Variants in UPF2 observed in about 807,000 individuals in gnomAD.
UPF2 encodes the protein regulator of nonsense transcripts 2.
Under a neutral mutation model 141.4 loss-of-function variants are expected in UPF2, and 17 were observed. The observed-to-expected ratio is 0.12, with a 90% CI of 0.08 to 0.18. The LOEUF (loss-of-function observed/expected upper bound fraction) is 0.18. UPF2 is among the 10% of genes least tolerant of loss of function. The pLI, the probability that UPF2 is intolerant of heterozygous loss-of-function variation, is 1.00. For synonymous variants in UPF2, 540 were observed against 498.0 expected, an observed-to-expected ratio of 1.08 and a Z score of -1.12; for missense variants, 1,152 against 1,515.9, an observed-to-expected ratio of 0.76 and a Z score of 3.99.
At chr10:11,993,141 C>T (rs1833807649) in intron 8 of UPF2, among the ~76,000 whole-genome samples, 2 of 110,052 alleles carry the variant, frequency 1.8e-5, no homozygotes, top group Non-Finnish European at 3.7e-5. Context: ...CAGAGTGAGG[C>T]TCCACCTCAA....
intron 21 of UPF2, among the ~76,000 whole-genome samples, chr10:11,925,573 G>A (rs1469171885): frequency 1.3e-5 from 2 of 152,216 alleles, no homozygotes; most frequent in Non-Finnish European, 2.9e-5. Context: ...AGCCCTCATC[G>A]CCTGTAATCT....
At chr10:11,985,793 T>C (rs1450136241) in intron 8 of UPF2, among the ~76,000 whole-genome samples, 1 of 151,138 alleles carries the variant, frequency 6.6e-6, no homozygotes, top group Admixed American at 6.6e-5. Context: ...AATATTTTCA[T>C]CAACTGCAAA....
At position 11,994,975 on chromosome 10, in the gene UPF2, C is replaced by CAAAAAAAAAAAAAAA. The variant is rs60922532; in HGVS notation, c.1844+2682_1844+2696dup. 4.5e-4 allele frequency among the ~76,000 whole-genome samples: 23 copies of CAAAAAAAAAAAAAAA among 51,356 alleles called. 1 individual carries two copies. Among genetic ancestry groups the CAAAAAAAAAAAAAAA allele is most frequent in the East Asian group, 1.2e-3 (1 of 802 alleles). 33.7% of individuals were successfully genotyped at this position (51,356 alleles called of 152,430 possible). A position where few individuals can be genotyped will look rare whatever the true frequency, so the allele number is the denominator to read the frequency against. On this transcript the variant is annotated intron_variant, in intron 8 of 21. Coordinates refer to ENST00000357604, the MANE Select transcript of UPF2 (RefSeq NM_015542.4). ...TGGGCAACAGAGTGAGACTCCATCT[C>CAAAAAAAAAAAAAAA]AAAAAAAAAAAAAAAAAAAAAAAAA... is the stretch of plus-strand genomic sequence containing the variant.
rs569601527 is a variant in UPF2, at chr10:11,953,790, A to G, written c.2850+1442T>C. ...CCACTTTTTGCTCATCAATTCAGAAAGTAAGGGAGTAATAGGTTTCCCTCT... is the reference window on the plus strand; with the variant it reads ...CCACTTTTTGCTCATCAATTCAGAAGGTAAGGGAGTAATAGGTTTCCCTCT... On this transcript the variant is annotated intron_variant, in intron 14 of 21. Coordinates refer to ENST00000357604, the MANE Select transcript of UPF2 (RefSeq NM_015542.4). This position sits in a 1 kb window ranked among gnomAD's most constrained non-coding sequence, Gnocchi z 5.0. Among the ~76,000 whole-genome samples, 8 of 152,352 alleles carry G rather than the reference A, an allele frequency of 5.3e-5. No homozygotes were observed. Among genetic ancestry groups the G allele is most frequent in the Middle Eastern group, 6.8e-3 (2 of 294 alleles).
chr10:11,981,850 T>TA (rs1833601194), intron 8 of UPF2, among the ~76,000 whole-genome samples: 1 of 152,176 alleles, frequency 6.6e-6, no homozygotes, highest in Non-Finnish European at 1.5e-5. Context: ...CGTGCCCGGC[T>TA]AATTTTTGTA....
intron 10 of UPF2, among the ~76,000 whole-genome samples, chr10:11,966,711 A>C (rs1219897315): frequency 2.0e-5 from 3 of 152,254 alleles, no homozygotes; most frequent in Non-Finnish European, 4.4e-5. Flanking sequence ...GGCGTGAGCC[A>C]CCACGCCCAG....
At position 11,965,228 on chromosome 10, in the gene UPF2, G is replaced by A. The variant is rs946666632; in HGVS notation, c.2068-1103C>T. The stretch of plus-strand genomic sequence containing the variant: ...GGAAAGAAATTTCTGTGTCAAAAAA[G>A]TGTATATTCTTCCTATATATTTTTA... On this transcript the variant is annotated intron_variant, in intron 10 of 21. Coordinates refer to ENST00000357604, the MANE Select transcript of UPF2 (RefSeq NM_015542.4). Among the ~76,000 whole-genome samples, 236 of 152,208 alleles carry A rather than the reference G, an allele frequency of 1.6e-3. 1 individual carries two copies. Among genetic ancestry groups the A allele is most frequent in the African/African-American group, 5.2e-3 (218 of 41,538 alleles).
Position 11,921,207 on chromosome 10 carries a change from G to T in UPF2, c.*91C>A. On this transcript the variant is annotated 3_prime_UTR_variant, in exon 22 of 22. Coordinates refer to ENST00000357604, the MANE Select transcript of UPF2 (RefSeq NM_015542.4). This position sits in a 1 kb window ranked among gnomAD's most constrained non-coding sequence, Gnocchi z 5.9. Reference sequence around the variant, plus strand: ...GCAACTCTCTAGACCGACCTGCTGAGATGTGTCCACTGCTCTCATTCAATT... The same window carrying T: ...GCAACTCTCTAGACCGACCTGCTGATATGTGTCCACTGCTCTCATTCAATT... The T allele has an allele frequency of 6.4e-7, 1 of 1,559,346 alleles. No individual in the cohort carries two copies. Among genetic ancestry groups the T allele is most frequent in the Non-Finnish European group, 8.8e-7 (1 of 1,130,092 alleles).
At chr10:12,002,913 G>C (rs1412378418) in intron 5 of UPF2, among the ~76,000 whole-genome samples, 1 of 152,186 alleles carries the variant, frequency 6.6e-6, no homozygotes, top group Admixed American at 6.5e-5. Context: ...TACTTAAATT[G>C]AAAGTATGGT....
At chr10:11,972,481 C>T (rs1421731231) in intron 9 of UPF2, among the ~76,000 whole-genome samples, 3 of 152,122 alleles carry the variant, frequency 2.0e-5, no homozygotes, top group Non-Finnish European at 4.4e-5. Context: ...GTGCTGCACC[C>T]GTTAACTCGT....
At position 11,959,326 on chromosome 10, in the gene UPF2, G is replaced by A; in HGVS notation, c.2215C>T (p.His739Tyr). Reference sequence around the variant, plus strand: ...ATTGTGACGTATCTCGCATCAAGATGCATTGCTTGCTTCTTTCTCATCATT... The same window carrying A: ...ATTGTGACGTATCTCGCATCAAGATACATTGCTTGCTTCTTTCTCATCATT... Reference protein sequence around the residue: ...EQMMRKKQAMHLDARYVTMVE... With the variant: ...EQMMRKKQAMYLDARYVTMVE... The change falls in exon 12 of 22, where the codon CAT becomes TAT. Residue 739 changes from histidine (H) to tyrosine (Y), a missense_variant. This residue lies in a region of UPF2 where 739 missense variants were observed against 1,032.2 expected (regional missense o/e 0.72). Coordinates refer to ENST00000357604, the MANE Select transcript of UPF2 (RefSeq NM_015542.4). This position sits in a 1 kb window ranked among gnomAD's most constrained non-coding sequence, Gnocchi z 5.9. 1 of 1,580,062 alleles carries A rather than the reference G, an allele frequency of 6.3e-7. No individual in the cohort carries two copies. The highest frequency in any genetic ancestry group is 8.6e-7 in the Non-Finnish European group (1 of 1,167,896).
chr10:12,003,901 G>A (rs1833991969), intron 5 of UPF2, among the ~76,000 whole-genome samples: 1 of 111,136 alleles, frequency 9.0e-6, no homozygotes, highest in East Asian at 3.0e-4. Context: ...CTCCAGCCTG[G>A]ACAAGAGCAA....
intron 8 of UPF2, among the ~76,000 whole-genome samples, chr10:11,981,948 T>C (rs1183428038): frequency 6.6e-6 from 1 of 152,124 alleles, no homozygotes; most frequent in Non-Finnish European, 1.5e-5. Flanking sequence ...CCTCCAAAAG[T>C]GCTGGGATTA....
intron 3 of UPF2, among the ~76,000 whole-genome samples, chr10:12,023,677 G>A (rs6650154): frequency 0.014 from 2,135 of 150,648 alleles, 49 homozygotes; most frequent in African/African-American, 0.049. Flanking sequence ...GGGACAGAGC[G>A]AGACTCCATC....
intron 1 of UPF2, among the ~76,000 whole-genome samples, chr10:12,036,944 G>A (rs1327710354): frequency 6.6e-6 from 1 of 152,154 alleles, no homozygotes; most frequent in African/African-American, 2.4e-5. Flanking sequence ...AGAATGGCTT[G>A]AACCCGGGAA....
chr10:11,967,172 G>A (rs567264144), intron 10 of UPF2, among the ~76,000 whole-genome samples, 169 bp downstream of exon 10: 1 of 152,222 alleles, frequency 6.6e-6, no homozygotes, highest in African/African-American at 2.4e-5. Context: ...AAGTATCTAA[G>A]ATCTCACTAT....
intron 21 of UPF2, among the ~76,000 whole-genome samples, chr10:11,927,035 A>G (rs1420600444): frequency 6.6e-6 from 1 of 152,184 alleles, no homozygotes; most frequent in East Asian, 1.9e-4. Context: ...AAGGTTTTTG[A>G]AACAGACAAA....
At chr10:11,962,909 A>C (rs891320764) in intron 11 of UPF2, among the ~76,000 whole-genome samples, 7 of 152,170 alleles carry the variant, frequency 4.6e-5, no homozygotes, top group African/African-American at 1.7e-4. Context: ...GATATAGTAA[A>C]TTAGGTGCCT....
rs1049270312 is a variant in UPF2 at position 11,931,926 on chromosome 10, G to A, written c.3547-144C>T. 2.7e-5 allele frequency: 21 copies of A among 779,372 alleles called. No homozygotes were observed. Among genetic ancestry groups the A allele is most frequent in the East Asian group, 2.5e-4 (8 of 32,554 alleles). 48.3% of individuals were successfully genotyped at this position (779,372 alleles called of 1,614,324 possible). ...AGCACTTTGGGAGGCCGAGGCGGGCGGATCACGAGGTCAAGAGATCAAGAC... is the reference window on the plus strand; with the variant it reads ...AGCACTTTGGGAGGCCGAGGCGGGCAGATCACGAGGTCAAGAGATCAAGAC... On this transcript the variant is annotated intron_variant, in intron 19 of 21. Transcript: ENST00000357604. The surrounding 1 kb of genome is among the most constrained non-coding windows in gnomAD (Gnocchi z 5.9).
Sources: allele counts gnomAD v4.1 joint callset (sites outside exome capture counted in the v4.1 genomes callset), GRCh38; gene constraint gnomAD v4.1.1; regional missense constraint gnomAD v4.1.1; non-coding constraint Gnocchi (gnomAD v3.1); transcripts MANE v1.5; gene names NCBI Gene and HGNC (gene_info 2026-07-23, HGNC 2026-07-21).